The following ZDHHC17 variants were observed in gnomAD, a reference collection of about 807,000 sequenced individuals.
ZDHHC17 encodes the protein palmitoyltransferase ZDHHC17.
In ZDHHC17, 40 loss-of-function variants were observed where a neutral mutation model predicts 90.3. The observed-to-expected ratio is 0.44, with a 90% CI of 0.34 to 0.58. The LOEUF is 0.58. ZDHHC17 is among the 20% of genes least tolerant of loss of function. The pLI is 0.01. For missense variants in ZDHHC17, 614 were observed against 780.8 expected (o/e 0.79, Z 2.55); for synonymous variants, 235 against 252.4 (o/e 0.93, Z 0.65).
Position 76,845,703 on chromosome 12 carries a change from T to C in ZDHHC17, c.1330-6T>C. On this transcript the variant is annotated splice_polypyrimidine_tract_variant and splice_region_variant and intron_variant, in intron 12 of 16. Coordinates refer to ENST00000426126, the MANE Select transcript of ZDHHC17 (RefSeq NM_015336.4). ...TTTCATAATCCTTTAACATGCCTAT[T>C]AACAGATACGAAAACCGGTGAGGTC... 2 of 1,576,876 alleles carry C rather than the reference T, an allele frequency of 1.3e-6. No homozygotes were observed. The highest frequency in any genetic ancestry group is 1.7e-6 in the Non-Finnish European group (2 of 1,150,886).
chr12:76,835,505 G>T (rs947630810), intron 10 of ZDHHC17, among the ~76,000 whole-genome samples: 1 of 151,794 alleles, frequency 6.6e-6, no homozygotes, highest in South Asian at 2.1e-4. Flanking sequence ...ATTTTTAAAA[G>T]AATTTTAATT....
chr12:76,799,222 T>C (rs1592472879), intron 2 of ZDHHC17, among the ~76,000 whole-genome samples: 1 of 152,356 alleles, frequency 6.6e-6, no homozygotes, highest in East Asian at 1.9e-4. Flanking sequence ...TGTGTATTTT[T>C]CTTGGTCTTT....
chr12:76,802,854 A>G (rs1444301146), intron 2 of ZDHHC17, among the ~76,000 whole-genome samples: 1 of 152,176 alleles, frequency 6.6e-6, no homozygotes, highest in African/African-American at 2.4e-5. Flanking sequence ...TGAGTTTTCC[A>G]CCACTGCAAA....
At chr12:76,780,056 A>C (rs1354353925) in intron 1 of ZDHHC17, among the ~76,000 whole-genome samples, 2 of 152,170 alleles carry the variant, frequency 1.3e-5, no homozygotes, top group East Asian at 3.9e-4. Flanking sequence ...ATAGCTATAT[A>C]GTAGGTCTTG....
Position 76,822,391 on chromosome 12 carries a change from T to A in ZDHHC17, c.772-15T>A. On this transcript the variant is annotated splice_polypyrimidine_tract_variant and intron_variant, in intron 7 of 16. Transcript: ENST00000426126. ...TTAAACTTTTAATAGGAATTTCTTC[T>A]GTTTATATTATCAGGGCGAATCAGC... The A allele has an allele frequency of 6.2e-7, 1 of 1,610,426 alleles. No individual in the cohort carries two copies. Among genetic ancestry groups the A allele is most frequent in the Non-Finnish European group, 8.5e-7 (1 of 1,177,428 alleles).
intron 1 of ZDHHC17, among the ~76,000 whole-genome samples, chr12:76,773,055 ACC>A: frequency 6.6e-6 from 1 of 151,998 alleles, no homozygotes; most frequent in Non-Finnish European, 1.5e-5. Flanking sequence ...ACGGGATTTC[ACC>A]ATGTTGGCCA....
intron 1 of ZDHHC17, among the ~76,000 whole-genome samples, chr12:76,792,520 A>G (rs1952770432): frequency 6.6e-6 from 1 of 152,020 alleles, no homozygotes; most frequent in Admixed American, 6.6e-5. Flanking sequence ...TCTTTGCTGC[A>G]GTGTTTATCG....
intron 8 of ZDHHC17, among the ~76,000 whole-genome samples, chr12:76,823,503 T>C (rs1279535151): frequency 1.3e-5 from 2 of 152,238 alleles, no homozygotes; most frequent in Non-Finnish European, 2.9e-5. Context: ...TTAATTGCCG[T>C]AGAGTTTCTT....
chr12:76,816,169 A>G (rs1953085024), intron 7 of ZDHHC17, 150 bp downstream of exon 7: 1 of 535,900 alleles, frequency 1.9e-6, no homozygotes, highest in Non-Finnish European at 3.0e-6. Context: ...AATACATTTT[A>G]ATAATTCTTT....
At chr12:76,821,712 G>A (rs542966982) in intron 7 of ZDHHC17, among the ~76,000 whole-genome samples, 144 of 152,044 alleles carry the variant, frequency 9.5e-4, no homozygotes, top group Non-Finnish European at 1.8e-3. Flanking sequence ...AATTAGTTAA[G>A]GCAAAAAGAA....
At chr12:76,787,624 C>G (rs1198732850) in intron 1 of ZDHHC17, among the ~76,000 whole-genome samples, 1 of 145,972 alleles carries the variant, frequency 6.9e-6, no homozygotes, top group Non-Finnish European at 1.5e-5. Context: ...CTCCCTCTCT[C>G]TCTCTCTCTC....
At chr12:76,838,948 G>T (rs1323115864) in intron 10 of ZDHHC17, among the ~76,000 whole-genome samples, 1 of 152,182 alleles carries the variant, frequency 6.6e-6, no homozygotes. Context: ...TCTGGAGGCT[G>T]GTAGTTTGAG....
chr12:76,786,469 T>C (rs1952688589), intron 1 of ZDHHC17, among the ~76,000 whole-genome samples: 1 of 152,144 alleles, frequency 6.6e-6, no homozygotes, highest in African/African-American at 2.4e-5. Flanking sequence ...TTGGTCACAC[T>C]GGTCTTGAAC....
intron 1 of ZDHHC17, among the ~76,000 whole-genome samples, chr12:76,767,079 A>G (rs1332444286): frequency 6.6e-6 from 1 of 151,930 alleles, no homozygotes; most frequent in Non-Finnish European, 1.5e-5. Context: ...ACTTGGCTGT[A>G]AGGGATTAAG....
At position 76,852,888 on chromosome 12, in the gene ZDHHC17, TGGG is replaced by T. The variant is rs1565814377; in HGVS notation, c.*1906_*1908del. 6.5e-6 allele frequency: 1 copy of T among 152,724 alleles called. No homozygotes were observed. Among genetic ancestry groups the T allele is most frequent in the African/African-American group, 2.4e-5 (1 of 41,574 alleles). The allele number at this position is 152,724 out of a possible 1,614,324, so 9.5% of individuals were successfully genotyped here. A position where few individuals can be genotyped will look rare whatever the true frequency, so the allele number is the denominator to read the frequency against. On this transcript the variant is annotated 3_prime_UTR_variant, in exon 17 of 17. Transcript: ENST00000426126. Reference sequence around the variant, plus strand: ...ATGTCAGCTAGTTTTGACTACTAATTGGGGGAAATTTTAGATAATTTTTAAATT... The same window carrying T: ...ATGTCAGCTAGTTTTGACTACTAATTGGAAATTTTAGATAATTTTTAAATT...
At chr12:76,771,399 T>TA (rs1249211401) in intron 1 of ZDHHC17, among the ~76,000 whole-genome samples, 1 of 152,328 alleles carries the variant, frequency 6.6e-6, no homozygotes, top group Admixed American at 6.5e-5. Flanking sequence ...CTAGGGTTAA[T>TA]ACATACTAAA....
At chr12:76,807,990 A>G (rs1952974788) in intron 3 of ZDHHC17, among the ~76,000 whole-genome samples, 1 of 152,192 alleles carries the variant, frequency 6.6e-6, no homozygotes, top group African/African-American at 2.4e-5. Context: ...ATATTCTGGA[A>G]ATACTTTGTT....
chr12:76,799,768 GT>G (rs1281653583), intron 2 of ZDHHC17, among the ~76,000 whole-genome samples: 1 of 152,158 alleles, frequency 6.6e-6, no homozygotes, highest in Non-Finnish European at 1.5e-5. Context: ...TTGTAGGTTT[GT>G]TTGTTTTTAG....
At chr12:76,782,185 T>C (rs1952634764) in intron 1 of ZDHHC17, among the ~76,000 whole-genome samples, 1 of 152,222 alleles carries the variant, frequency 6.6e-6, no homozygotes, top group Non-Finnish European at 1.5e-5. Context: ...TTATCTTCTC[T>C]GTGGGTGAAA....
Sources: gnomAD v4.1 joint callset for allele counts (sites outside exome capture counted in the v4.1 genomes callset) on GRCh38, gnomAD v4.1.1 for gene constraint, MANE v1.5 for transcripts, NCBI Gene and HGNC (gene_info 2026-07-23, HGNC 2026-07-21) for gene names.